Variants in PRKCH observed in about 807,000 individuals in gnomAD.
PRKCH encodes protein kinase C eta type.
A neutral mutation model predicts 82.5 loss-of-function variants in PRKCH; 28 were observed. The ratio of observed to expected loss-of-function variants is 0.34; its 90% CI spans 0.25 to 0.47. The LOEUF (loss-of-function observed/expected upper bound fraction) is 0.47. PRKCH is among the 20% of genes least tolerant of loss of function. The probability of loss-of-function intolerance (pLI) is 1.00; values close to 1 mark genes in which losing one functional copy is unlikely to be tolerated. For synonymous variants in PRKCH, 322 were observed against 327.4 expected (o/e 0.98, Z 0.18); for missense variants, 705 against 881.8 (o/e 0.80, Z 2.54).
intron 1 of PRKCH, among the ~76,000 whole-genome samples, chr14:61,311,733 C>T (rs1264503801): frequency 1.3e-5 from 2 of 152,138 alleles, no homozygotes; most frequent in African/African-American, 4.8e-5. Context: ...GCTGGGGAGA[C>T]CTCAGGAAAC....
upstream of PRKCH, among the ~76,000 whole-genome samples, chr14:61,318,887 C>A (rs746386644): frequency 6.6e-6 from 1 of 152,158 alleles, no homozygotes; most frequent in African/African-American, 2.4e-5. Context: ...TAGAGACAGT[C>A]TTGCCATGTT....
chr14:61,383,609 T>C (rs2046543606), intron 1 of PRKCH, among the ~76,000 whole-genome samples: 1 of 152,042 alleles, frequency 6.6e-6, no homozygotes, highest in African/African-American at 2.4e-5. Context: ...CCATCCAACC[T>C]GTAGCCCTAG....
At chr14:61,420,252 G>A (rs774807681) in intron 2 of PRKCH, among the ~76,000 whole-genome samples, 1 of 152,176 alleles carries the variant, frequency 6.6e-6, no homozygotes, top group Non-Finnish European at 1.5e-5. Context: ...GAAGCCCAGA[G>A]CCACTCTGGG....
intron 2 of PRKCH, among the ~76,000 whole-genome samples, chr14:61,392,836 C>CT (rs755846345): frequency 1.1e-4 from 15 of 132,548 alleles, no homozygotes; most frequent in South Asian, 7.1e-4. Context: ...TCTCCTGTTT[C>CT]TTTTTTTGTT....
intron 1 of PRKCH, among the ~76,000 whole-genome samples, chr14:61,346,529 G>A (rs1277357256): frequency 6.6e-6 from 1 of 152,176 alleles, no homozygotes; most frequent in Non-Finnish European, 1.5e-5. Context: ...TTGCCAATAA[G>A]TTTAACATTT....
intron 2 of PRKCH, among the ~76,000 whole-genome samples, chr14:61,404,267 C>T (rs1881818538): frequency 6.6e-6 from 1 of 152,058 alleles, no homozygotes; most frequent in South Asian, 2.1e-4. Context: ...ACAACAGTGG[C>T]CTGAGGTTGC....
chr14:61,495,858 G>A (rs1007547766), intron 10 of PRKCH, among the ~76,000 whole-genome samples: 10 of 152,110 alleles, frequency 6.6e-5, no homozygotes, highest in Admixed American at 6.6e-4. Context: ...TGAATGTTAG[G>A]GTGATTCAGT....
At chr14:61,315,097 TC>T (rs770864532) in intron 1 of PRKCH, among the ~76,000 whole-genome samples, 2 of 152,194 alleles carry the variant, frequency 1.3e-5, no homozygotes, top group Non-Finnish European at 2.9e-5. Context: ...CATTTTCTGT[TC>T]TTTTTGTCCC....
chr14:61,418,607 C>T (rs1244983954), intron 2 of PRKCH, among the ~76,000 whole-genome samples: 2 of 152,198 alleles, frequency 1.3e-5, no homozygotes, highest in African/African-American at 4.8e-5. Context: ...AGCAGGAGGC[C>T]TTTGTGATAG....
chr14:61,218,251 C>T (rs928447367), intron 1 of PRKCH, among the ~76,000 whole-genome samples: 4 of 152,142 alleles, frequency 2.6e-5, no homozygotes, highest in Non-Finnish European at 4.4e-5. Flanking sequence ...CCCATGCTGT[C>T]GGCCTTTCTT....
rs554740393 is a variant in PRKCH, at chr14:61,301,737, A to G, written c.-19+114069A>G. On this transcript the variant is annotated intron_variant, in intron 1 of 3. Transcript: ENST00000555185. ...GTGCCTGTAGTCCCAGCTACTCAGGAGGCTGAGGTGGGAGGATCACTGGAG... is the reference window on the plus strand; with the variant it reads ...GTGCCTGTAGTCCCAGCTACTCAGGGGGCTGAGGTGGGAGGATCACTGGAG... 2.0e-5 allele frequency among the ~76,000 whole-genome samples: 3 copies of G among 152,286 alleles called. No individual in the cohort carries two copies. The East Asian group carries it at 5.8e-4, about 29-fold the overall frequency.
At chr14:61,263,741 G>A (rs1292249284) in intron 1 of PRKCH, among the ~76,000 whole-genome samples, 2 of 151,974 alleles carry the variant, frequency 1.3e-5, no homozygotes, top group Non-Finnish European at 2.9e-5. Context: ...GTTATACCCC[G>A]ATAGAGAAAT....
intron 2 of PRKCH, among the ~76,000 whole-genome samples, chr14:61,426,284 A>G (rs778040431): frequency 2.6e-5 from 4 of 152,198 alleles, no homozygotes; most frequent in Non-Finnish European, 5.9e-5. Flanking sequence ...GCCTACACAC[A>G]CTGCCAAGCT....
chr14:61,195,583 G>A (rs1594846588), intron 1 of PRKCH, among the ~76,000 whole-genome samples: 1 of 152,190 alleles, frequency 6.6e-6, no homozygotes, highest in African/African-American at 2.4e-5. Context: ...TTATGCATAG[G>A]ATATTTTAGG....
chr14:61,392,797 ATC>A (rs1420625612), intron 2 of PRKCH, among the ~76,000 whole-genome samples: 3 of 148,318 alleles, frequency 2.0e-5, no homozygotes, highest in African/African-American at 4.9e-5. Context: ...GTCTTCAGAG[ATC>A]TCTCTGTCAT....
intron 1 of PRKCH, among the ~76,000 whole-genome samples, chr14:61,357,173 C>T (rs952016015): frequency 3.3e-5 from 5 of 152,222 alleles, no homozygotes; most frequent in African/African-American, 7.2e-5. Flanking sequence ...GCCTTCTTCA[C>T]ACCTGTGCGT....
intron 10 of PRKCH, among the ~76,000 whole-genome samples, chr14:61,497,949 T>C (rs897008285): frequency 2.0e-5 from 3 of 152,174 alleles, no homozygotes; most frequent in Non-Finnish European, 4.4e-5. Flanking sequence ...TATTTTCTTT[T>C]TGATGGTTTT....
chr14:61,214,103 T>C (rs1429732431), intron 1 of PRKCH, among the ~76,000 whole-genome samples: 5 of 152,130 alleles, frequency 3.3e-5, no homozygotes, highest in Non-Finnish European at 7.4e-5. Flanking sequence ...CCCACGTGAG[T>C]CACACTGTGG....
chr14:61,246,320 A>G (rs376459266), intron 1 of PRKCH, among the ~76,000 whole-genome samples: 1 of 151,512 alleles, frequency 6.6e-6, no homozygotes, highest in African/African-American at 2.4e-5. Flanking sequence ...AGGCAGGAGA[A>G]TCACTTGAAC....
Sources: gnomAD v4.1 joint callset for allele counts (sites outside exome capture counted in the v4.1 genomes callset) on GRCh38, gnomAD v4.1.1 for gene constraint, MANE v1.5 for transcripts, NCBI Gene and HGNC (gene_info 2026-07-23, HGNC 2026-07-21) for gene names.